The following DST variants were observed in gnomAD, a reference collection of about 807,000 sequenced individuals.
DST encodes the protein bullous pemphigoid antigen.
Under a neutral mutation model 875.2 loss-of-function variants are expected in DST, and 253 were observed. The ratio of observed to expected loss-of-function variants is 0.29; its 90% CI spans 0.26 to 0.32. DST has a LOEUF of 0.32. Ranked by LOEUF, DST falls within the 10% of genes least tolerant of loss-of-function variation. DST has a pLI of 1.00. For synonymous variants in DST, 3,124 were observed against 3,197.1 expected (o/e 0.98, Z 0.77); for missense variants, 8,287 against 9,111.6 (o/e 0.91, Z 3.68).
intron 15 of DST, 137 bp downstream of exon 15, chr6:56,645,729 T>C (rs561830164): frequency 9.9e-7 from 1 of 1,012,500 alleles, no homozygotes; most frequent in South Asian, 1.7e-5. Context: ...AGTTTCTAGG[T>C]AAGAAAATGG....
intron 98 of DST, 116 bp downstream of exon 98, chr6:56,468,866 T>G: frequency 1.3e-6 from 1 of 774,518 alleles, no homozygotes; most frequent in Non-Finnish European, 2.1e-6. Context: ...CAACCAACAA[T>G]GTAGTAGCTA....
intron 2 of DST, among the ~76,000 whole-genome samples, chr6:56,935,977 A>T (rs1436497964): frequency 6.6e-6 from 1 of 152,188 alleles, no homozygotes; most frequent in Non-Finnish European, 1.5e-5. Flanking sequence ...CAAAAAAATA[A>T]GAAAAGAAAC....
At chr6:56,902,723 T>C (rs1592274849) in intron 2 of DST, among the ~76,000 whole-genome samples, 1 of 152,012 alleles carries the variant, frequency 6.6e-6, no homozygotes, top group South Asian at 2.1e-4. Flanking sequence ...TCCCAGAACA[T>C]CCCCACCACT....
At chr6:56,753,782 A>G (rs1329662753) in intron 4 of DST, among the ~76,000 whole-genome samples, 1 of 152,210 alleles carries the variant, frequency 6.6e-6, no homozygotes, top group Non-Finnish European at 1.5e-5. Context: ...AATGTTTAGG[A>G]AAAAAATGAA....
intron 4 of DST, among the ~76,000 whole-genome samples, chr6:56,847,388 T>C (rs2099808300): frequency 6.6e-6 from 1 of 152,240 alleles, no homozygotes; most frequent in Non-Finnish European, 1.5e-5. Context: ...TTCACTAATA[T>C]GACTTTCCAA....
rs1285385448 is a variant in DST at position 56,459,034 on chromosome 6, T to G, written c.23428A>C (p.Ser7810Arg). 1.9e-6 allele frequency: 3 copies of G among 1,612,376 alleles called. No individual in the cohort carries two copies. The African/African-American group carries it at 4.0e-5, about 22-fold the overall frequency. The stretch of plus-strand genomic sequence containing the variant: ...CTCTTTGAGGACTTGTCCAATTTGC[T>G]GGCAGGTGATTTCCTCTGGGGCGTG... ...IPTPQRKSPA[S>R]KLDKSSKR Residue 7810 changes from serine to arginine, a missense_variant, in exon 104 of 104, where the codon AGC becomes CGC. Physicochemically the swap from Ser to Arg is moderately radical, Grantham distance 110. Transcript: ENST00000680361.
intron 98 of DST, 37 bp from the exon 99 acceptor site, chr6:56,466,232 A>G: frequency 7.1e-7 from 1 of 1,413,570 alleles, no homozygotes; most frequent in South Asian, 1.5e-5. Flanking sequence ...CTAGTTGTCA[A>G]TAATAATTCT....
intron 2 of DST, among the ~76,000 whole-genome samples, chr6:56,929,045 T>C (rs1294305611): frequency 6.6e-6 from 1 of 152,096 alleles, no homozygotes; most frequent in Non-Finnish European, 1.5e-5. Flanking sequence ...ACAACCCAAT[T>C]CTAATATTCA....
chr6:56,725,412 C>G (rs928242338), intron 5 of DST, among the ~76,000 whole-genome samples: 1 of 152,142 alleles, frequency 6.6e-6, no homozygotes, highest in Non-Finnish European at 1.5e-5. Flanking sequence ...TCACAGACTA[C>G]AGTGAATGAG....
chr6:56,817,088 A>AAC (rs55717102), intron 4 of DST, among the ~76,000 whole-genome samples: 59,347 of 149,192 alleles, frequency 0.4, 11,862 homozygotes, highest in Middle Eastern at 0.52. Flanking sequence ...AAGCCACTTA[A>AAC]ACACACACAC....
intron 61 of DST, among the ~76,000 whole-genome samples, chr6:56,538,523 A>C (rs925984707): frequency 3.3e-5 from 5 of 152,230 alleles, no homozygotes; most frequent in African/African-American, 1.2e-4. Context: ...TTGCAGACAC[A>C]GTATGAAAAA....
chr6:56,893,562 C>CTTTTTTTTTTTTTTTTTTTTTT (rs1282483681), intron 3 of DST, among the ~76,000 whole-genome samples: 16 of 35,896 alleles, frequency 4.5e-4, no homozygotes, highest in East Asian at 7.8e-4. Context: ...ACTTTTAGTT[C>CTTTTTTTTTTTTTTTTTTTTTT]TTTTTTTTTT....
chr6:56,721,072 C>A (rs1419837046), intron 5 of DST, among the ~76,000 whole-genome samples: 3 of 151,202 alleles, frequency 2.0e-5, no homozygotes, highest in Non-Finnish European at 3.0e-5. Flanking sequence ...GCGCCCCCCC[C>A]ACCTCCCAGA....
At chr6:56,615,966 C>T in intron 36 of DST, 2 of 1,614,224 alleles carry the variant, frequency 1.2e-6, no homozygotes, top group South Asian at 2.2e-5. Flanking sequence ...AAAGCTTCGG[C>T]CACCCGGTAC....
In DST at chr6:56,572,197, A is replaced by C. The variant is rs945806225; in HGVS notation, c.13624T>G (p.Ser4542Ala). The C allele has an allele frequency of 3.2e-6, 5 of 1,571,628 alleles. No individual in the cohort carries two copies. The highest frequency in any genetic ancestry group is 4.3e-6 in the Non-Finnish European group (5 of 1,157,890). ...TTATCACTTGGTAAGCCATGGCTGGATATCTCCTTCAAGAGACTATGCAAA... is the reference window on the plus strand; with the variant it reads ...TTATCACTTGGTAAGCCATGGCTGGCTATCTCCTTCAAGAGACTATGCAAA... The part of the protein sequence containing the change: ...EVLHSLLKEI[S>A]SHGLPSDKAL... The change falls in exon 53 of 104, where the codon TCC becomes GCC. Residue 4542 changes from serine to alanine, a missense_variant. Transcript: ENST00000680361.
Position 56,711,866 on chromosome 6 carries a change from C to T in DST, c.688-7497G>A, listed in dbSNP as rs541641465. ...CAGCACTTTGGGAGGCCGAGGCGGG[C>T]GGATCACGAGGTCAGGAGATCGAGA... On this transcript the variant is annotated intron_variant, in intron 5 of 103. Coordinates refer to ENST00000680361, the MANE Select transcript of DST (RefSeq NM_001374736.1). Among the ~76,000 whole-genome samples, 368 of 151,714 alleles carry T rather than the reference C, an allele frequency of 2.4e-3. 1 individual carries two copies. The highest frequency in any genetic ancestry group is 8.5e-3 in the African/African-American group (351 of 41,404).
intron 61 of DST, among the ~76,000 whole-genome samples, chr6:56,545,871 A>G (rs1400171428): frequency 6.6e-6 from 1 of 152,222 alleles, no homozygotes; most frequent in Non-Finnish European, 1.5e-5. Context: ...TTGTGCTGCA[A>G]GTACATAAAC....
intron 4 of DST, among the ~76,000 whole-genome samples, chr6:56,761,601 A>G (rs2099617302): frequency 6.6e-6 from 1 of 152,172 alleles, no homozygotes; most frequent in Non-Finnish European, 1.5e-5. Flanking sequence ...CTCAACATTA[A>G]AATCATTTGT....
Position 56,630,525 on chromosome 6 carries a change from T to C in DST, c.4143-142A>G, listed in dbSNP as rs891226022. On this transcript the variant is annotated intron_variant, in intron 30 of 103. Coordinates refer to ENST00000680361, the MANE Select transcript of DST (RefSeq NM_001374736.1). ...ATACATTTACTATGAAACTGACATT[T>C]TTCTGGCTTTCTTCTTAATAGAGAG... 14 of 790,054 alleles carry C rather than the reference T, an allele frequency of 1.8e-5. No homozygotes were observed. In the African/African-American group the frequency reaches 2.4e-4, roughly 14 times the overall value. 48.9% of individuals were successfully genotyped at this position (790,054 alleles called of 1,614,324 possible).
Sources: allele counts gnomAD v4.1 joint callset (sites outside exome capture counted in the v4.1 genomes callset), GRCh38; gene constraint gnomAD v4.1.1; transcripts MANE v1.5; gene names NCBI Gene and HGNC (gene_info 2026-07-23, HGNC 2026-07-21).